The following ATP8B4 variants were observed in gnomAD, a reference collection of about 807,000 sequenced individuals.
ATP8B4 encodes the protein probable phospholipid-transporting ATPase IM.
ATP8B4 carries 133 observed loss-of-function variants against 145.6 expected under a neutral mutation model. That is an observed-to-expected ratio of 0.91 (90% confidence interval 0.79 to 1.05). The LOEUF is 1.05. Among genes scored for constraint, ATP8B4 ranks in the 50% least tolerant of loss-of-function variants. ATP8B4 has a pLI of 0.00. For synonymous variants in ATP8B4, 507 were observed against 492.9 expected, an observed-to-expected ratio of 1.03 and a Z score of -0.38; for missense variants, 1,458 against 1,425.2, an observed-to-expected ratio of 1.02 and a Z score of -0.37.
intron 19 of ATP8B4, chr15:49,917,334 A>T (rs566811114): frequency 5.5e-5 from 17 of 309,680 alleles, no homozygotes; most frequent in African/African-American, 3.6e-4. Context: ...AGCACTCATG[A>T]AAATAAGATC....
intron 25 of ATP8B4, among the ~76,000 whole-genome samples, chr15:49,866,723 G>A (rs116179968): frequency 1.3e-3 from 202 of 152,324 alleles, no homozygotes; most frequent in Middle Eastern, 6.8e-3. Context: ...TGCCAAGGTC[G>A]AGTCAGAATC....
At chr15:49,901,649 T>C (rs773601810) in intron 20 of ATP8B4, 16 of 286,122 alleles carry the variant, frequency 5.6e-5, no homozygotes, top group Non-Finnish European at 1.0e-4. Flanking sequence ...TGAAATCTTC[T>C]AGGAATTCCA....
chr15:49,865,407 G>A (rs1442045325), intron 26 of ATP8B4, among the ~76,000 whole-genome samples: 1 of 152,130 alleles, frequency 6.6e-6, no homozygotes, highest in Non-Finnish European at 1.5e-5. Context: ...TGAGTTCTTT[G>A]AGCCACTCTA....
chr15:50,014,284 C>T (rs1024367083), intron 6 of ATP8B4, among the ~76,000 whole-genome samples: 1 of 152,164 alleles, frequency 6.6e-6, no homozygotes, highest in African/African-American at 2.4e-5. Flanking sequence ...AAGTACATGT[C>T]AGCCTTATAA....
At chr15:49,908,746 A>T (rs1172663227) in intron 20 of ATP8B4, among the ~76,000 whole-genome samples, 1 of 152,044 alleles carries the variant, frequency 6.6e-6, no homozygotes, top group East Asian at 1.9e-4. Flanking sequence ...CTCCACTGAC[A>T]TTCCCCACCT....
chr15:50,129,923 G>T (rs1481436134), intron 1 of ATP8B4, among the ~76,000 whole-genome samples: 23 of 139,434 alleles, frequency 1.6e-4, no homozygotes, highest in Admixed American at 1.5e-3. Context: ...ACTCCAGCCT[G>T]GTGACAGAGC....
intron 25 of ATP8B4, among the ~76,000 whole-genome samples, chr15:49,875,571 A>C (rs1598834878): frequency 6.6e-6 from 1 of 152,250 alleles, no homozygotes. Context: ...GCGGTGATGC[A>C]TGCCTATAAT....
chr15:49,960,528 C>T (rs1001272193), intron 14 of ATP8B4, among the ~76,000 whole-genome samples: 1 of 152,118 alleles, frequency 6.6e-6, no homozygotes, highest in East Asian at 1.9e-4. Flanking sequence ...TTATATTTTA[C>T]ATCCCACACC....
intron 6 of ATP8B4, among the ~76,000 whole-genome samples, chr15:50,030,436 G>A (rs1281494833): frequency 6.6e-6 from 1 of 151,872 alleles, no homozygotes; most frequent in African/African-American, 2.4e-5. Flanking sequence ...TTGTGTAATA[G>A]GGGGGAGATC....
At chr15:50,123,875 T>A (rs2057290307), upstream of ATP8B4, among the ~76,000 whole-genome samples, 1 of 152,076 alleles carries the variant, frequency 6.6e-6, no homozygotes, top group South Asian at 2.1e-4. Context: ...CCCAAGCATA[T>A]CCTTTCCATA....
chr15:50,069,382 T>G (rs1319175013), intron 3 of ATP8B4, among the ~76,000 whole-genome samples: 1 of 152,242 alleles, frequency 6.6e-6, no homozygotes, highest in Admixed American at 6.5e-5. Flanking sequence ...TTAGAGTTTG[T>G]TGATAAATGA....
intron 16 of ATP8B4, among the ~76,000 whole-genome samples, chr15:49,927,134 A>AT (rs1410401359): frequency 1.8e-4 from 27 of 152,032 alleles, no homozygotes; most frequent in Non-Finnish European, 4.4e-5. Context: ...TGTCATTTAT[A>AT]TTTTTTACTA....
At chr15:50,172,152 C>T (rs1001850596) in intron 1 of ATP8B4, among the ~76,000 whole-genome samples, 1 of 152,230 alleles carries the variant, frequency 6.6e-6, no homozygotes, top group Non-Finnish European at 1.5e-5. Context: ...CTCTCCCTCC[C>T]ACTCCCGCTC....
At chr15:49,964,147 A>G (rs2044325213) in intron 13 of ATP8B4, among the ~76,000 whole-genome samples, 1 of 152,176 alleles carries the variant, frequency 6.6e-6, no homozygotes, top group Middle Eastern at 3.4e-3. Context: ...AAGCAGTTCT[A>G]TTTGTTGTTT....
chr15:49,996,752 T>C lies in ATP8B4; in HGVS notation c.514A>G (p.Asn172Asp). The C allele has an allele frequency of 7.5e-6, 12 of 1,609,762 alleles. No homozygotes were observed. The highest frequency in any genetic ancestry group is 1.0e-5 in the Non-Finnish European group (12 of 1,176,984). ...GATAGTGCATGGCGGACTTTTAGGT[T>C]CGTTTCCCTGTGAAATTATTGACAT... The part of the protein sequence containing the change: ...VETAELDGET[N>D]LKVRHALSVT... The change falls in exon 9 of 28, where the codon AAC (asparagine) becomes GAC (aspartate). Residue 172 changes from asparagine (N) to aspartate (D), a missense_variant. Coordinates refer to ENST00000284509, the MANE Select transcript of ATP8B4 (RefSeq NM_024837.4).
intron 14 of ATP8B4, among the ~76,000 whole-genome samples, chr15:49,946,702 C>T (rs1195123436): frequency 1.3e-5 from 2 of 152,086 alleles, no homozygotes. Context: ...CCTCCTTGCC[C>T]AGGATCTCTA....
At chr15:50,022,848 T>A (rs918014345) in intron 6 of ATP8B4, among the ~76,000 whole-genome samples, 1 of 152,228 alleles carries the variant, frequency 6.6e-6, no homozygotes. Context: ...ATTTCTCATA[T>A]TTTAGGAATG....
chr15:50,161,559 C>T (rs1029952169), intron 1 of ATP8B4, among the ~76,000 whole-genome samples: 39 of 151,816 alleles, frequency 2.6e-4, no homozygotes, highest in Admixed American at 2.5e-3. Flanking sequence ...TACCATGAGG[C>T]TTGTAAATAA....
chr15:50,026,192 T>G (rs1224366919), intron 6 of ATP8B4, among the ~76,000 whole-genome samples: 1 of 152,216 alleles, frequency 6.6e-6, no homozygotes, highest in East Asian at 1.9e-4. Flanking sequence ...TTAAATCTTT[T>G]TATCAGGTGG....
Sources: gnomAD v4.1 joint callset for allele counts (sites outside exome capture counted in the v4.1 genomes callset) on GRCh38, gnomAD v4.1.1 for gene constraint, MANE v1.5 for transcripts, NCBI Gene and HGNC (gene_info 2026-07-23, HGNC 2026-07-21) for gene names.